ATP2A2: variants seen among roughly 807,000 people sequenced by gnomAD.
ATP2A2 encodes ATPase sarcoplasmic/endoplasmic reticulum Ca2+ transporting 2.
In ATP2A2, 14 loss-of-function variants were observed where a neutral mutation model predicts 109.3. The ratio of observed to expected loss-of-function variants is 0.13; its 90% CI spans 0.08 to 0.20. ATP2A2 has a LOEUF of 0.20. Among genes scored for constraint, ATP2A2 ranks in the 10% least tolerant of loss-of-function variants. The pLI is 1.00. For synonymous variants in ATP2A2, 506 were observed against 490.9 expected, an observed-to-expected ratio of 1.03 and a Z score of -0.41; for missense variants, 657 against 1,321.6, an observed-to-expected ratio of 0.50 and a Z score of 7.80.
intron 11 of ATP2A2, among the ~76,000 whole-genome samples, chr12:110,338,940 C>A (rs1879100559): frequency 6.6e-6 from 1 of 152,184 alleles, no homozygotes; most frequent in African/African-American, 2.4e-5. Flanking sequence ...CCTGGTGGGT[C>A]TTCACCACCA....
Position 110,292,047 on chromosome 12 carries a change from G to T in ATP2A2, c.247G>T (p.Glu83Ter). 6.2e-7 allele frequency: 1 copy of T among 1,614,190 alleles called. No individual in the cohort carries two copies. Among genetic ancestry groups the T allele is most frequent in the South Asian group, 1.1e-5 (1 of 91,084 alleles). Residue 83 changes from glutamate to a stop codon, truncating the protein, a stop_gained, in exon 4 of 20, where the codon GAA becomes TAA. Coordinates refer to ENST00000539276, the MANE Select transcript of ATP2A2 (RefSeq NM_170665.4). LOFTEE classifies it high-confidence loss of function. ...TTTGGCTTGGTTTGAAGAAGGTGAA[G>T]AAACAATTACAGCCTTTGTAGAACC... ...FVLAWFEEGE[E>*]TITAFVEPFV... is the part of the protein sequence containing the mutation.
Position 110,299,259 on chromosome 12 carries a change from A to G in ATP2A2, c.463+2522A>G, listed in dbSNP as rs537829468. Among the ~76,000 whole-genome samples, 92 of 151,990 alleles carry G rather than the reference A, an allele frequency of 6.1e-4. 1 individual carries two copies. Among genetic ancestry groups the G allele is most frequent in the Non-Finnish European group, 7.8e-4 (53 of 67,950 alleles). On this transcript the variant is annotated intron_variant, in intron 5 of 19. Transcript: ENST00000539276. ...ATGCTGGGATTACAGACGTGAGCCC[A>G]CTGCGCCTGGCCCACATTTTTTTTA... is the stretch of plus-strand genomic sequence containing the variant.
At chr12:110,318,967 C>T (rs2137791851) in intron 5 of ATP2A2, among the ~76,000 whole-genome samples, 1 of 152,224 alleles carries the variant, frequency 6.6e-6, no homozygotes, top group South Asian at 2.1e-4. Flanking sequence ...TTCATAGGAT[C>T]CATGACTCTA....
Position 110,347,887 on chromosome 12 carries a change from A to G in ATP2A2, c.*1417A>G. 1.0e-6 allele frequency: 1 copy of G among 997,828 alleles called. No homozygotes were observed. The highest frequency in any genetic ancestry group is 1.2e-6 in the Non-Finnish European group (1 of 837,448). 61.8% of individuals were successfully genotyped at this position (997,828 alleles called of 1,614,324 possible). ...TGTCACTAACTTATAAGCCGCCTCC[A>G]TGGCAGATGCTGCTGTGCTCCCTGA... On this transcript the variant is annotated 3_prime_UTR_variant, in exon 20 of 20. Coordinates refer to ENST00000539276, the MANE Select transcript of ATP2A2 (RefSeq NM_170665.4).
chr12:110,335,370 G>A (rs1878745082), intron 11 of ATP2A2, among the ~76,000 whole-genome samples: 1 of 152,186 alleles, frequency 6.6e-6, no homozygotes, highest in Non-Finnish European at 1.5e-5. Flanking sequence ...CTCAGCTTAA[G>A]AACTTGAAGT....
rs1877898057 is a variant in ATP2A2, at chr12:110,327,237, AGAATGCTTAGAGTT to A, written c.631-312_631-299del. ...CTTGAGTTGTTGGAGCCAGAAGTGG[AGAATGCTTAGAGTT>A]GAACTATATGAGTTTGAAAAATTGG... is the stretch of plus-strand genomic sequence containing the variant. On this transcript the variant is annotated intron_variant, in intron 7 of 19. Transcript: ENST00000539276. This position sits in a 1 kb window ranked among gnomAD's most constrained non-coding sequence, Gnocchi z 4.4. 6.6e-6 allele frequency among the ~76,000 whole-genome samples: 1 copy of A among 150,878 alleles called. No homozygotes were observed. The highest frequency in any genetic ancestry group is 2.1e-4 in the South Asian group (1 of 4,794).
At chr12:110,318,584 T>C (rs2137790665) in intron 5 of ATP2A2, among the ~76,000 whole-genome samples, 1 of 152,270 alleles carries the variant, frequency 6.6e-6, no homozygotes. Flanking sequence ...AGCGATAGTC[T>C]TGCTTTAGCC....
intron 3 of ATP2A2, among the ~76,000 whole-genome samples, chr12:110,288,505 A>G (rs928190653): frequency 6.6e-6 from 1 of 151,794 alleles, no homozygotes. Flanking sequence ...CCCGGGGTCA[A>G]GCGATTCTCC....
chr12:110,350,266 T>C lies in ATP2A2; in HGVS notation c.*3796T>C, dbSNP rs761384569. On this transcript the variant is annotated 3_prime_UTR_variant, in exon 20 of 20. Coordinates refer to ENST00000539276, the MANE Select transcript of ATP2A2 (RefSeq NM_170665.4). ...GTTTCCTCTCTGTATTTCATGAAGCTGATTTCCTCTCTCTTTCCTTTTCAG... is the reference window on the plus strand; with the variant it reads ...GTTTCCTCTCTGTATTTCATGAAGCCGATTTCCTCTCTCTTTCCTTTTCAG... 6.2e-7 allele frequency: 1 copy of C among 1,614,256 alleles called. No homozygotes were observed. Among genetic ancestry groups the C allele is most frequent in the Non-Finnish European group, 8.5e-7 (1 of 1,180,042 alleles).
At chr12:110,293,824 ATATGTGTGTGTGTGTGTG>A (rs1174674070) in intron 4 of ATP2A2, among the ~76,000 whole-genome samples, 1 of 126,382 alleles carries the variant, frequency 7.9e-6, no homozygotes, top group Non-Finnish European at 1.6e-5. Context: ...TGTGCCATAT[ATATGTGTGTGTGTGTGTG>A]TGTGTGTGTG....
At position 110,349,937 on chromosome 12, in the gene ATP2A2, C is replaced by T; in HGVS notation, c.*3467C>T. 3 of 1,172,274 alleles carry T rather than the reference C, an allele frequency of 2.6e-6. No homozygotes were observed. The highest frequency in any genetic ancestry group is 2.2e-5 in the South Asian group (1 of 46,054). The allele number at this position is 1,172,274 out of a possible 1,614,324, so 72.6% of individuals were successfully genotyped here. Reference sequence around the variant, plus strand: ...CTGTGCTGCTACTGGCTGCTCACTTCTCCATCAACCTCACCCTCTGCACCA... The same window carrying T: ...CTGTGCTGCTACTGGCTGCTCACTTTTCCATCAACCTCACCCTCTGCACCA... On this transcript the variant is annotated 3_prime_UTR_variant, in exon 20 of 20. Coordinates refer to ENST00000539276, the MANE Select transcript of ATP2A2 (RefSeq NM_170665.4).
chr12:110,346,110 C>G lies in ATP2A2; in HGVS notation c.2851C>G (p.Pro951Ala). ...CCACTTCCTGATCCTCTATGTCGAA[C>G]CCTTGCCAGTAAGTGGTTGGGTGGG... Reference protein sequence around the residue: ...SLHFLILYVEPLPLIFQITPL... With the variant: ...SLHFLILYVEALPLIFQITPL... The change falls in exon 19 of 20, where the codon CCC (proline) becomes GCC (alanine). Residue 951 changes from proline to alanine, a missense_variant. This residue lies in a region of ATP2A2 where 125 missense variants were observed against 243.5 expected (regional missense o/e 0.51). Transcript: ENST00000539276. 6.2e-7 allele frequency: 1 copy of G among 1,614,192 alleles called. No individual in the cohort carries two copies.
rs1879249074 is a variant in ATP2A2, at chr12:110,340,545, A to G, written c.1762-114A>G. On this transcript the variant is annotated intron_variant, in intron 13 of 19. Transcript: ENST00000539276. This position sits in a 1 kb window ranked among gnomAD's most constrained non-coding sequence, Gnocchi z 6.0. ...AAGAGCGAAACTCCGCCTCAAAAAAAAAAAAAGAAAAAAAATGCAGAAACC... is the reference window on the plus strand; with the variant it reads ...AAGAGCGAAACTCCGCCTCAAAAAAGAAAAAAGAAAAAAAATGCAGAAACC... 2.3e-6 allele frequency: 3 copies of G among 1,293,190 alleles called. No individual in the cohort carries two copies. Among genetic ancestry groups the G allele is most frequent in the Admixed American group, 2.1e-5 (1 of 47,306 alleles). The allele number at this position is 1,293,190 out of a possible 1,614,324, so 80.1% of individuals were successfully genotyped here.
Position 110,348,506 on chromosome 12 carries a change from G to GGT in ATP2A2, c.*2038_*2039dup, listed in dbSNP as rs1434587101. 1 of 985,542 alleles carries GGT rather than the reference G, an allele frequency of 1.0e-6. No homozygotes were observed. Among genetic ancestry groups the GGT allele is most frequent in the Non-Finnish European group, 1.2e-6 (1 of 830,032 alleles). The allele number at this position is 985,542 out of a possible 1,614,324, so 61.0% of individuals were successfully genotyped here. A position where few individuals can be genotyped will look rare whatever the true frequency, so the allele number is the denominator to read the frequency against. ...GGTTAGGAGGCATCAAGCAGGACAA[G>GGT]GTGCTGCTGAGTTCAGAGGGCCCAC... On this transcript the variant is annotated 3_prime_UTR_variant, in exon 20 of 20. Transcript: ENST00000539276.
At chr12:110,299,094 T>C (rs1344357535) in intron 5 of ATP2A2, among the ~76,000 whole-genome samples, 1 of 151,988 alleles carries the variant, frequency 6.6e-6, no homozygotes. Flanking sequence ...CTCAGCCTCC[T>C]GAATAACTGG....
At position 110,285,465 on chromosome 12, in the gene ATP2A2, TTAAGA is replaced by T. The variant is rs1211428156; in HGVS notation, c.219+2673_219+2677del. ...CCCTTTCTTCTCTTTTCCTGCTTTGTTAAGATATTTATTGAGCACCTGTCACAGAC... is the reference window on the plus strand; with the variant it reads ...CCCTTTCTTCTCTTTTCCTGCTTTGTTATTTATTGAGCACCTGTCACAGAC... On this transcript the variant is annotated intron_variant, in intron 3 of 19. Transcript: ENST00000539276. Among the ~76,000 whole-genome samples the T allele has an allele frequency of 5.9e-5, 9 of 152,332 alleles. No individual in the cohort carries two copies. In the South Asian group the frequency reaches 1.7e-3, roughly 28 times the overall value.
chr12:110,314,342 A>AG (rs1445180698), intron 5 of ATP2A2, among the ~76,000 whole-genome samples: 1 of 151,614 alleles, frequency 6.6e-6, no homozygotes, highest in African/African-American at 2.4e-5. Flanking sequence ...AAAAGAAAAA[A>AG]AAAAAAAAAG....
intron 11 of ATP2A2, among the ~76,000 whole-genome samples, chr12:110,337,932 G>A (rs1210820054): frequency 6.6e-6 from 1 of 152,202 alleles, no homozygotes; most frequent in Non-Finnish European, 1.5e-5. Context: ...ACAAAAACTG[G>A]AAGAGAAGGG....
At chr12:110,328,856 C>CCACACT (rs1468721045) in intron 8 of ATP2A2, among the ~76,000 whole-genome samples, 1 of 152,200 alleles carries the variant, frequency 6.6e-6, no homozygotes, top group Non-Finnish European at 1.5e-5. Flanking sequence ...GCATGAACCA[C>CCACACT]CACACTCAGC....
Sources: gnomAD v4.1 joint callset for allele counts (sites outside exome capture counted in the v4.1 genomes callset) on GRCh38, gnomAD v4.1.1 for gene constraint, gnomAD v4.1.1 regional missense constraint, Gnocchi (gnomAD v3.1) non-coding constraint, MANE v1.5 for transcripts, NCBI Gene and HGNC (gene_info 2026-07-23, HGNC 2026-07-21) for gene names.